The following SDK1 variants were observed in gnomAD, a reference collection of about 807,000 sequenced individuals.
The protein encoded by SDK1 is sidekick cell adhesion molecule 1, also known as protein sidekick-1.
A neutral mutation model predicts 245.5 loss-of-function variants in SDK1; 157 were observed. The ratio of observed to expected loss-of-function variants is 0.64; its 90% CI spans 0.56 to 0.73. The LOEUF is 0.73. Among genes scored for constraint, SDK1 ranks in the 30% least tolerant of loss-of-function variants. The probability of loss-of-function intolerance (pLI) is 0.00; values close to 1 mark genes in which losing one functional copy is unlikely to be tolerated. For synonymous variants in SDK1, 1,647 were observed against 1,278.5 expected, an observed-to-expected ratio of 1.29 and a Z score of -6.15; for missense variants, 3,583 against 3,002.3, an observed-to-expected ratio of 1.19 and a Z score of -4.52.
chr7:3,887,822 T>C (rs1781370765), intron 5 of SDK1, among the ~76,000 whole-genome samples: 1 of 152,202 alleles, frequency 6.6e-6, no homozygotes, highest in African/African-American at 2.4e-5. Context: ...TTTTGAAATA[T>C]AAATAACAAA....
At chr7:3,476,095 C>A (rs990009164) in intron 1 of SDK1, 1 of 152,622 alleles carries the variant, frequency 6.6e-6, no homozygotes, top group South Asian at 2.1e-4. Context: ...CAAACAATTT[C>A]TCTCTGTTTT....
chr7:3,673,106 A>G (rs1783772597), intron 4 of SDK1, among the ~76,000 whole-genome samples: 1 of 152,112 alleles, frequency 6.6e-6, no homozygotes, highest in Admixed American at 6.5e-5. Flanking sequence ...CCAATTTGTA[A>G]GGCAGCGGTT....
chr7:3,502,207 TC>T (rs1316410420), intron 1 of SDK1, among the ~76,000 whole-genome samples: 26 of 151,806 alleles, frequency 1.7e-4, no homozygotes, highest in African/African-American at 5.8e-4. Context: ...TTCTTTTTTT[TC>T]AAAATGTTTC....
intron 1 of SDK1, among the ~76,000 whole-genome samples, chr7:3,450,164 A>T (rs1289206876): frequency 6.6e-6 from 1 of 152,226 alleles, no homozygotes; most frequent in Admixed American, 6.5e-5. Context: ...GTATAATTGG[A>T]TCATATGTAT....
intron 1 of SDK1, among the ~76,000 whole-genome samples, chr7:3,503,783 A>G (rs1782295891): frequency 6.6e-6 from 1 of 152,198 alleles, no homozygotes. Flanking sequence ...ATTTTAAAAT[A>G]TTGTTAAATC....
chr7:3,430,262 T>C (rs964355482), intron 1 of SDK1, among the ~76,000 whole-genome samples: 2 of 152,236 alleles, frequency 1.3e-5, no homozygotes, highest in African/African-American at 4.8e-5. Flanking sequence ...GTGCAGTTTC[T>C]CTGACCATAT....
At chr7:3,942,462 T>C (rs1178571778) in intron 5 of SDK1, among the ~76,000 whole-genome samples, 3 of 152,198 alleles carry the variant, frequency 2.0e-5, no homozygotes, top group Non-Finnish European at 4.4e-5. Flanking sequence ...CTAACTGTTA[T>C]CTTATCTGGA....
At chr7:4,229,169 A>C (rs1163104108) in intron 40 of SDK1, among the ~76,000 whole-genome samples, 2 of 152,348 alleles carry the variant, frequency 1.3e-5, no homozygotes, top group Non-Finnish European at 1.5e-5. Flanking sequence ...ACAGCATAAT[A>C]CAAATGAGAA....
At chr7:3,668,000 TTTATAAGAAAC>T (rs1191189550) in intron 4 of SDK1, among the ~76,000 whole-genome samples, 33 of 152,352 alleles carry the variant, frequency 2.2e-4, no homozygotes, top group East Asian at 1.7e-3. Flanking sequence ...TTTATTTAAC[TTTATAAGAAAC>T]TTATAAGAAA....
At chr7:3,376,613 G>A (rs1322648786) in intron 1 of SDK1, among the ~76,000 whole-genome samples, 1 of 152,210 alleles carries the variant, frequency 6.6e-6, no homozygotes, top group Non-Finnish European at 1.5e-5. Context: ...CAAGGTTAAA[G>A]AGATTCCTTG....
intron 5 of SDK1, among the ~76,000 whole-genome samples, chr7:3,939,772 A>G (rs1780288798): frequency 6.6e-6 from 1 of 152,260 alleles, no homozygotes; most frequent in Admixed American, 6.5e-5. Context: ...CTTGGTGGAA[A>G]GAGATCCGAC....
chr7:4,101,437 G>T (rs1043340616), intron 22 of SDK1, among the ~76,000 whole-genome samples: 4 of 152,150 alleles, frequency 2.6e-5, no homozygotes, highest in Admixed American at 6.5e-5. Flanking sequence ...GTGAGCCACC[G>T]CACCCGGCGG....
intron 1 of SDK1, among the ~76,000 whole-genome samples, chr7:3,485,573 A>G (rs1330179233): frequency 6.6e-6 from 1 of 151,950 alleles, no homozygotes; most frequent in African/African-American, 2.4e-5. Flanking sequence ...TTGTTAAGCT[A>G]AAACCAGGTC....
chr7:4,255,878 C>G (rs901428710), intron 44 of SDK1, among the ~76,000 whole-genome samples: 1 of 151,238 alleles, frequency 6.6e-6, no homozygotes, highest in African/African-American at 2.4e-5. Context: ...CTATCTTTCT[C>G]CATTTGCTAT....
chr7:4,021,335 G>A (rs953964106), intron 17 of SDK1, among the ~76,000 whole-genome samples: 1 of 152,196 alleles, frequency 6.6e-6, no homozygotes, highest in African/African-American at 2.4e-5. Flanking sequence ...AGAGGAACGG[G>A]CTATGGACAC....
chr7:3,914,750 A>G (rs1263757447), intron 5 of SDK1, among the ~76,000 whole-genome samples: 3 of 152,230 alleles, frequency 2.0e-5, no homozygotes, highest in Non-Finnish European at 2.9e-5. Context: ...CTGATGGCCC[A>G]CTGGGTAATT....
chr7:4,088,555 GTT>G (rs35931237), intron 22 of SDK1, among the ~76,000 whole-genome samples: 8 of 146,516 alleles, frequency 5.5e-5, no homozygotes, highest in African/African-American at 1.2e-4. Flanking sequence ...CTAGGAGTTG[GTT>G]TTTTTTTTTT....
intron 4 of SDK1, among the ~76,000 whole-genome samples, chr7:3,659,636 C>G (rs532295780): frequency 6.6e-6 from 1 of 152,168 alleles, no homozygotes; most frequent in Non-Finnish European, 1.5e-5. Context: ...GAATTTTCTC[C>G]ACGTGTAGTG....
chr7:3,709,461 G>A (rs1249864804), intron 4 of SDK1, among the ~76,000 whole-genome samples: 1 of 152,214 alleles, frequency 6.6e-6, no homozygotes, highest in Middle Eastern at 3.2e-3. Flanking sequence ...CTGTGGACTG[G>A]ATTGCCAGGT....
Sources: allele counts gnomAD v4.1 joint callset (sites outside exome capture counted in the v4.1 genomes callset), GRCh38; gene constraint gnomAD v4.1.1; transcripts MANE v1.5; gene names NCBI Gene and HGNC (gene_info 2026-07-23, HGNC 2026-07-21).